SAMD5: variants seen among roughly 807,000 people sequenced by gnomAD.
The protein encoded by SAMD5 is sterile alpha motif domain-containing protein 5.
A neutral mutation model predicts 11.3 loss-of-function variants in SAMD5; 13 were observed. The ratio of observed to expected loss-of-function variants is 1.15; its 90% CI spans 0.75 to 1.83. The LOEUF is 1.83. Among genes scored for constraint, SAMD5 ranks in the 40% most tolerant of loss-of-function variants. The probability of loss-of-function intolerance (pLI) is 0.00; values close to 1 mark genes in which losing one functional copy is unlikely to be tolerated. For missense variants in SAMD5, 255 were observed against 239.1 expected, an observed-to-expected ratio of 1.07 and a Z score of -0.44; for synonymous variants, 129 against 111.3, an observed-to-expected ratio of 1.16 and a Z score of -1.00.
chr6:147,931,214 C>G, the SAMD5 span, among the ~76,000 whole-genome samples: 2 of 152,226 alleles, frequency 1.3e-5, no homozygotes, highest in African/African-American at 2.4e-5. Context: ...CATAAATAAT[C>G]TATTTTTTCT....
At chr6:147,913,168 C>A in the SAMD5 span, among the ~76,000 whole-genome samples, 1 of 151,892 alleles carries the variant, frequency 6.6e-6, no homozygotes, top group African/African-American at 2.4e-5. Flanking sequence ...ACAAGTCAAC[C>A]TGATTGTATT....
chr6:147,664,103 C>T (rs1790684478), intron 1 of SAMD5, among the ~76,000 whole-genome samples: 1 of 152,054 alleles, frequency 6.6e-6, no homozygotes, highest in Admixed American at 6.5e-5. Flanking sequence ...ATTCCACCTT[C>T]ACTCAACAAT....
chr6:147,631,580 A>G (rs548909450), intron 1 of SAMD5, among the ~76,000 whole-genome samples: 53 of 152,292 alleles, frequency 3.5e-4, no homozygotes, highest in Non-Finnish European at 5.6e-4. Flanking sequence ...GGAACTGTAT[A>G]GAGGTGGGAA....
At chr6:147,625,273 C>T (rs984525354) in intron 1 of SAMD5, among the ~76,000 whole-genome samples, 3 of 152,128 alleles carry the variant, frequency 2.0e-5, no homozygotes, top group Admixed American at 6.5e-5. Context: ...GGTATTTAGT[C>T]GTCATGGTAA....
the SAMD5 span, among the ~76,000 whole-genome samples, chr6:147,743,786 C>T: frequency 6.6e-6 from 1 of 152,054 alleles, no homozygotes; most frequent in East Asian, 1.9e-4. Context: ...ACTCAAAGTC[C>T]CCACTTAGTA....
chr6:147,654,588 A>G (rs1040263192), intron 1 of SAMD5, among the ~76,000 whole-genome samples: 1 of 152,020 alleles, frequency 6.6e-6, no homozygotes, highest in African/African-American at 2.4e-5. Flanking sequence ...GCGTTTTCAG[A>G]GAATGTTTTT....
At chr6:147,622,505 A>C (rs1337859221) in intron 1 of SAMD5, among the ~76,000 whole-genome samples, 3 of 152,200 alleles carry the variant, frequency 2.0e-5, no homozygotes, top group Admixed American at 1.3e-4. Context: ...CTTACACTCC[A>C]AAGCAGAATT....
the SAMD5 span, among the ~76,000 whole-genome samples, chr6:147,805,990 C>T: frequency 3.3e-5 from 5 of 152,170 alleles, no homozygotes; most frequent in Non-Finnish European, 7.4e-5. Context: ...CAGCTGCATC[C>T]AGACAGTCTC....
At chr6:147,931,514 C>G in the SAMD5 span, among the ~76,000 whole-genome samples, 2 of 152,140 alleles carry the variant, frequency 1.3e-5, no homozygotes, top group Non-Finnish European at 2.9e-5. Context: ...TGTCTAGTTA[C>G]CTCCTGTATC....
chr6:147,593,138 C>A (rs1789480612), intron 1 of SAMD5, among the ~76,000 whole-genome samples: 3 of 152,092 alleles, frequency 2.0e-5, no homozygotes, highest in Admixed American at 2.0e-4. Context: ...GACTGGAATC[C>A]AGCACTCATG....
At chr6:147,628,082 G>C (rs1255731486) in intron 1 of SAMD5, among the ~76,000 whole-genome samples, 3 of 152,146 alleles carry the variant, frequency 2.0e-5, no homozygotes, top group Non-Finnish European at 4.4e-5. Context: ...TATTATATTT[G>C]TGGTCCAACA....
At position 147,708,090 on chromosome 6, in the gene SAMD5, C is replaced by G. The variant is rs182614357; in HGVS notation, c.163-29227C>G. On this transcript the variant is annotated intron_variant, in intron 1 of 1. Transcript: ENST00000566741. ...CCAGATCTCCTTTCCCAAATTCATA[C>G]ATTGAAATCCTAACCCCAGAACCTC... 7.2e-5 allele frequency among the ~76,000 whole-genome samples: 11 copies of G among 152,180 alleles called. 1 individual carries two copies. The South Asian group carries it at 2.3e-3, about 32-fold the overall frequency.
the SAMD5 span, among the ~76,000 whole-genome samples, chr6:147,843,794 C>A: frequency 6.6e-6 from 1 of 152,064 alleles, no homozygotes; most frequent in Admixed American, 6.6e-5. Flanking sequence ...AATTCACATG[C>A]AGAAGAATGA....
At chr6:147,786,985 A>G in the SAMD5 span, among the ~76,000 whole-genome samples, 1 of 152,208 alleles carries the variant, frequency 6.6e-6, no homozygotes, top group Admixed American at 6.5e-5. Flanking sequence ...GAATTAAGTA[A>G]TTTCATTAAA....
intron 1 of SAMD5, among the ~76,000 whole-genome samples, chr6:147,606,963 C>CAAAAA (rs11377845): frequency 3.0e-5 from 4 of 131,358 alleles, no homozygotes; most frequent in African/African-American, 9.1e-5. Flanking sequence ...CAGCTTTATC[C>CAAAAA]AAAAAAAAAA....
the SAMD5 span, among the ~76,000 whole-genome samples, chr6:147,833,005 T>A: frequency 2.6e-5 from 4 of 152,216 alleles, no homozygotes; most frequent in Non-Finnish European, 5.9e-5. Flanking sequence ...AGAATTGTTG[T>A]TTTTACTTTT....
the SAMD5 span, among the ~76,000 whole-genome samples, chr6:147,818,707 G>A: frequency 6.6e-5 from 10 of 152,062 alleles, no homozygotes; most frequent in South Asian, 2.1e-4. Context: ...CCAATGGCCC[G>A]GACCTGTCTC....
chr6:147,704,995 TG>T (rs1487825324), intron 1 of SAMD5, among the ~76,000 whole-genome samples: 1 of 152,188 alleles, frequency 6.6e-6, no homozygotes, highest in Non-Finnish European at 1.5e-5. Flanking sequence ...GAAAGTGAGC[TG>T]GGAACTGTGA....
intron 1 of SAMD5, among the ~76,000 whole-genome samples, chr6:147,721,458 A>T (rs1249980437): frequency 6.6e-6 from 1 of 152,192 alleles, no homozygotes. Flanking sequence ...AGTGATGGTG[A>T]GCATTTTTTC....
Sources: allele counts gnomAD v4.1 joint callset (sites outside exome capture counted in the v4.1 genomes callset), GRCh38; gene constraint gnomAD v4.1.1; transcripts MANE v1.5; gene names NCBI Gene and HGNC (gene_info 2026-07-23, HGNC 2026-07-21).